PGLYRP3: variants seen among roughly 807,000 people sequenced by gnomAD.
The protein encoded by PGLYRP3 is peptidoglycan recognition protein I alpha.
In PGLYRP3, 39 loss-of-function variants were observed where a neutral mutation model predicts 36.0. The observed-to-expected ratio is 1.08, with a 90% confidence interval of 0.84 to 1.41. The LOEUF is 1.41. PGLYRP3 is among the 40% of genes most tolerant of loss of function. The pLI is 0.00. For missense variants in PGLYRP3, 407 were observed against 427.9 expected (o/e 0.95, Z 0.43); for synonymous variants, 204 against 172.8 (o/e 1.18, Z -1.42).
chr1:153,302,676 C>T, intron 5 of PGLYRP3, 69 bp from the exon 6 acceptor site: 1 of 1,471,998 alleles, frequency 6.8e-7, no homozygotes, highest in African/African-American at 1.4e-5. Context: ...CACTCAACTC[C>T]AGGCTGGATT....
intron 6 of PGLYRP3, 47 bp from the exon 7 acceptor site, chr1:153,299,278 A>G (rs1195545503): frequency 1.5e-6 from 2 of 1,366,238 alleles, no homozygotes; most frequent in Non-Finnish European, 2.1e-6. Flanking sequence ...GGGAAACAGA[A>G]TTTAAATACT....
rs918244220 is a variant in PGLYRP3 at position 153,297,581 on chromosome 1, G to GAAAGAAAGA, written c.*374_*375insTCTTTCTTT. Among the ~76,000 whole-genome samples the GAAAGAAAGA allele has an allele frequency of 8.5e-4, 41 of 48,456 alleles. 2 individuals are homozygous for GAAAGAAAGA. Among genetic ancestry groups the GAAAGAAAGA allele is most frequent in the African/African-American group, 2.7e-3 (40 of 14,556 alleles). 31.8% of individuals were successfully genotyped at this position (48,456 alleles called of 152,430 possible). ...AAAGAAAAAGAAAGAAAGAAAGAAA[G>GAAAGAAAGA]AAGAAAGAAAGAAAGAAAGAAAGAG... On this transcript the variant is annotated 3_prime_UTR_variant, in exon 8 of 8. Transcript: ENST00000683862.
intron 6 of PGLYRP3, among the ~76,000 whole-genome samples, chr1:153,301,167 C>T (rs74958477): frequency 0.032 from 4,811 of 152,216 alleles, 107 homozygotes; most frequent in East Asian, 0.099. Context: ...GCAATCCTTC[C>T]GCCTCGGCCT....
At chr1:153,299,312 T>A in intron 6 of PGLYRP3, 81 bp from the exon 7 acceptor site, 1 of 968,010 alleles carries the variant, frequency 1.0e-6, no homozygotes, top group Non-Finnish European at 1.6e-6. Flanking sequence ...CAACCACTCA[T>A]TCATTCTTTC....
intron 7 of PGLYRP3, among the ~76,000 whole-genome samples, chr1:153,298,336 A>G (rs1659494443): frequency 6.6e-6 from 1 of 152,144 alleles, no homozygotes. Context: ...CCTCCGTGCC[A>G]AAGTTTCTTC....
At chr1:153,310,489 T>C (rs1412311824) in intron 2 of PGLYRP3, 122 bp downstream of exon 2, 7 of 998,254 alleles carry the variant, frequency 7.0e-6, no homozygotes, top group Admixed American at 2.0e-5. Context: ...GGGCTCCAAA[T>C]TGCAAAGCTA....
intron 7 of PGLYRP3, 101 bp from the exon 8 acceptor site, chr1:153,298,235 GC>G: frequency 7.9e-7 from 1 of 1,264,556 alleles, no homozygotes; most frequent in Non-Finnish European, 1.1e-6. Flanking sequence ...CCTCCACCAC[GC>G]CCCATTCCGC....
intron 2 of PGLYRP3, among the ~76,000 whole-genome samples, chr1:153,309,366 CAG>C (rs1659841172): frequency 6.6e-6 from 1 of 152,190 alleles, no homozygotes; most frequent in Non-Finnish European, 1.5e-5. Flanking sequence ...TCTAACATAA[CAG>C]AGGTTTTAAG....
chr1:153,299,349 A>T, intron 6 of PGLYRP3, 118 bp from the exon 7 acceptor site: 1 of 781,546 alleles, frequency 1.3e-6, no homozygotes, highest in Non-Finnish European at 2.1e-6. Context: ...TTGACTGGAG[A>T]TCTCTTATGT....
chr1:153,303,978 A>C lies in PGLYRP3; in HGVS notation c.408T>G (p.Ala136=). Residue 136 remains alanine, a synonymous_variant, in exon 5 of 8, where the codon GCT becomes GCG. Coordinates refer to ENST00000683862, the MANE Select transcript of PGLYRP3 (RefSeq NM_052891.3). Reference sequence around the variant, plus strand: ...TGGCATAGGAGATCAGACCCTCTGCAGCTGATAAGGCAGCAGGGCTGGGAC... The same window carrying C: ...TGGCATAGGAGATCAGACCCTCTGCCGCTGATAAGGCAGCAGGGCTGGGAC... ...GSSPSPAALS[A]AEGLISYAIQ... 6.2e-7 allele frequency: 1 copy of C among 1,613,988 alleles called. No homozygotes were observed.
chr1:153,305,759 C>A (rs1273054962), intron 3 of PGLYRP3, among the ~76,000 whole-genome samples: 1 of 152,198 alleles, frequency 6.6e-6, no homozygotes, highest in Non-Finnish European at 1.5e-5. Flanking sequence ...TGAACTGAGT[C>A]AGGCCGACTT....
intron 6 of PGLYRP3, among the ~76,000 whole-genome samples, chr1:153,300,678 G>T (rs1462595870): frequency 6.6e-6 from 1 of 152,224 alleles, no homozygotes; most frequent in Non-Finnish European, 1.5e-5. Context: ...TCTGGCTGAT[G>T]AAGAACACTT....
Position 153,302,395 on chromosome 1 carries a change from T to A in PGLYRP3, c.728+14A>T. 1 of 1,613,304 alleles carries A rather than the reference T, an allele frequency of 6.2e-7. No individual in the cohort carries two copies. ...GAAGAAAAAGAGGGTTCTTTTGGCATTGATCCCACTTACTGATATCCAATG... is the reference window on the plus strand; with the variant it reads ...GAAGAAAAAGAGGGTTCTTTTGGCAATGATCCCACTTACTGATATCCAATG... On this transcript the variant is annotated intron_variant, in intron 6 of 7. Transcript: ENST00000683862.
chr1:153,307,223 G>A lies in PGLYRP3; in HGVS notation c.100C>T (p.Leu34Phe). Residue 34 changes from leucine to phenylalanine, a missense_variant, in exon 3 of 8, where the codon CTC becomes TTC. Coordinates refer to ENST00000683862, the MANE Select transcript of PGLYRP3 (RefSeq NM_052891.3). ...VSRKEWGARP[L>F]ACRALLTLPV... Reference sequence around the variant, plus strand: ...AGGGTCAGCAGGGCCCTGCAGGCGAGCGGTCTTGCCCCCCACTCCTTGCGG... The same window carrying A: ...AGGGTCAGCAGGGCCCTGCAGGCGAACGGTCTTGCCCCCCACTCCTTGCGG... 6.2e-7 allele frequency: 1 copy of A among 1,610,670 alleles called. No individual in the cohort carries two copies. The highest frequency in any genetic ancestry group is 8.5e-7 in the Non-Finnish European group (1 of 1,178,690).
chr1:153,306,966 T>A (rs1571106158), intron 3 of PGLYRP3, 100 bp downstream of exon 3: 1 of 1,129,936 alleles, frequency 8.9e-7, no homozygotes, highest in East Asian at 2.6e-5. Context: ...ACAAAAGCAA[T>A]GTAAATGAAG....
chr1:153,305,108 ATGAAAACCTCTCAC>A (rs1164755539), intron 3 of PGLYRP3, 43 bp from the exon 4 acceptor site: 15 of 1,523,924 alleles, frequency 9.8e-6, no homozygotes, highest in Non-Finnish European at 1.3e-5. Context: ...ATCTCCATAA[ATGAAAACCTCTCAC>A]TGATCCTCAA....
intron 4 of PGLYRP3, 67 bp downstream of exon 4, chr1:153,304,880 C>G (rs1023904582): frequency 1.1e-5 from 13 of 1,197,200 alleles, no homozygotes; most frequent in Middle Eastern, 4.1e-4. Flanking sequence ...GAGTGTTGAC[C>G]CTTGGGAGTG....
Position 153,297,863 on chromosome 1 carries a change from G to T in PGLYRP3, c.*93C>A. ...TGAGAAAGGATGGGCTGGCAGGGGAGGGGGACACAAGGTGCTGAGCCACCT... is the reference window on the plus strand; with the variant it reads ...TGAGAAAGGATGGGCTGGCAGGGGATGGGGACACAAGGTGCTGAGCCACCT... On this transcript the variant is annotated 3_prime_UTR_variant, in exon 8 of 8. Transcript: ENST00000683862. 1 of 1,382,012 alleles carries T rather than the reference G, an allele frequency of 7.2e-7. No homozygotes were observed. The highest frequency in any genetic ancestry group is 1.0e-6 in the Non-Finnish European group (1 of 998,080). 85.6% of individuals were successfully genotyped at this position (1,382,012 alleles called of 1,614,324 possible).
intron 6 of PGLYRP3, 35 bp from the exon 7 acceptor site, chr1:153,299,266 C>G (rs1263092697): frequency 6.7e-7 from 1 of 1,497,160 alleles, no homozygotes; most frequent in Non-Finnish European, 9.3e-7. Flanking sequence ...GACAGTCACT[C>G]TGGGAAACAG....
Sources: allele counts gnomAD v4.1 joint callset (sites outside exome capture counted in the v4.1 genomes callset), GRCh38; gene constraint gnomAD v4.1.1; transcripts MANE v1.5; gene names NCBI Gene and HGNC (gene_info 2026-07-23, HGNC 2026-07-21).